TNPO1: variants seen among roughly 807,000 people sequenced by gnomAD.
TNPO1 encodes transportin-1.
A neutral mutation model predicts 119.5 loss-of-function variants in TNPO1; 8 were observed. That is an observed-to-expected ratio of 0.07 (90% CI 0.04 to 0.12). The LOEUF is 0.12. Among genes scored for constraint, TNPO1 ranks in the 10% least tolerant of loss-of-function variants. The pLI, the probability that TNPO1 is intolerant of heterozygous loss-of-function variation, is 1.00. For missense variants in TNPO1, 576 were observed against 1,089.8 expected (o/e 0.53, Z 6.64); for synonymous variants, 362 against 363.0 (o/e 1.00, Z 0.03).
In TNPO1 at chr5:72,912,210, T is replaced by C. The variant is rs1301364429; in HGVS notation, c.*3537T>C. On this transcript the variant is annotated 3_prime_UTR_variant, in exon 25 of 25. Coordinates refer to ENST00000337273, the MANE Select transcript of TNPO1 (RefSeq NM_002270.4). ...TTATGCAAGTTAGATTTCAGAAGAA[T>C]AGATTTTAAAACACTTAACCAAGCC... is the stretch of plus-strand genomic sequence containing the variant. 5.2e-5 allele frequency: 8 copies of C among 152,536 alleles called. No individual in the cohort carries two copies. Among genetic ancestry groups the C allele is most frequent in the African/African-American group, 4.8e-5 (2 of 41,454 alleles). The allele number at this position is 152,536 out of a possible 1,614,324, so 9.4% of individuals were successfully genotyped here. A position where few individuals can be genotyped will look rare whatever the true frequency, so the allele number is the denominator to read the frequency against.
At position 72,882,519 on chromosome 5, in the gene TNPO1, C is replaced by T; in HGVS notation, c.973C>T (p.Leu325=). 1 of 1,607,106 alleles carries T rather than the reference C, an allele frequency of 6.2e-7. No homozygotes were observed. Among genetic ancestry groups the T allele is most frequent in the Non-Finnish European group, 8.5e-7 (1 of 1,176,390 alleles). ...GMKYSDIDII[L]LKGDVEEDET... is the part of the protein sequence containing the mutation. ...GAAGTACTCAGACATAGATATTATCCTACTTAAGGTAAGGAAGCTTTTTTG... is the reference window on the plus strand; with the variant it reads ...GAAGTACTCAGACATAGATATTATCTTACTTAAGGTAAGGAAGCTTTTTTG... The change falls in exon 10 of 25, where the codon CTA becomes TTA. Residue 325 remains leucine, a synonymous_variant. Transcript: ENST00000337273.
At chr5:72,861,959 C>T (rs771398841) in intron 5 of TNPO1, 45 bp downstream of exon 5, 2 of 1,471,126 alleles carry the variant, frequency 1.4e-6, no homozygotes, top group South Asian at 2.3e-5. Flanking sequence ...TTCTGTTTTT[C>T]TTGTCATGTT....
intron 1 of TNPO1, among the ~76,000 whole-genome samples, chr5:72,818,201 A>G (rs1743786172): frequency 6.6e-6 from 1 of 152,230 alleles, no homozygotes. Context: ...TCTTTCTCCT[A>G]GTCAGGAATT....
chr5:72,873,766 TG>T (rs1263491864), intron 7 of TNPO1, among the ~76,000 whole-genome samples: 1 of 152,132 alleles, frequency 6.6e-6, no homozygotes, highest in East Asian at 1.9e-4. Context: ...TTTATTTAAC[TG>T]ATGTTTTCTT....
chr5:72,870,609 C>T (rs906183677), intron 6 of TNPO1, among the ~76,000 whole-genome samples: 3 of 152,106 alleles, frequency 2.0e-5, no homozygotes, highest in African/African-American at 7.2e-5. Context: ...TTTTTTCCTT[C>T]ATTGCTGATG....
intron 1 of TNPO1, among the ~76,000 whole-genome samples, chr5:72,844,064 A>G (rs1745027199): frequency 6.6e-6 from 1 of 152,238 alleles, no homozygotes; most frequent in South Asian, 2.1e-4. Flanking sequence ...CGTTTATTCA[A>G]CAAGTATTTG....
intron 18 of TNPO1, among the ~76,000 whole-genome samples, chr5:72,894,262 CAAT>C (rs1460543884): frequency 2.0e-5 from 3 of 152,048 alleles, no homozygotes; most frequent in Non-Finnish European, 2.9e-5. Flanking sequence ...CCTTCTGTGA[CAAT>C]GATAAGAAAT....
chr5:72,833,193 C>G (rs1744554024), intron 1 of TNPO1, among the ~76,000 whole-genome samples: 1 of 151,946 alleles, frequency 6.6e-6, no homozygotes, highest in Non-Finnish European at 1.5e-5. Flanking sequence ...ATCAGGATAG[C>G]AATATTAGAT....
intron 1 of TNPO1, among the ~76,000 whole-genome samples, chr5:72,824,354 GTCT>G (rs1447833502): frequency 6.6e-6 from 1 of 152,110 alleles, no homozygotes; most frequent in African/African-American, 2.4e-5. Flanking sequence ...CAAAATAGTT[GTCT>G]GTACTTGCTA....
At chr5:72,893,824 A>AACCAATAAAGTG in intron 18 of TNPO1, 121 bp downstream of exon 18, 1 of 955,066 alleles carries the variant, frequency 1.0e-6, no homozygotes, top group Non-Finnish European at 1.6e-6. Flanking sequence ...TGTACACTTT[A>AACCAATAAAGTG]TTGGTTAAAG....
intron 2 of TNPO1, among the ~76,000 whole-genome samples, chr5:72,850,053 AAC>A (rs1745428000): frequency 6.6e-6 from 1 of 152,202 alleles, no homozygotes; most frequent in Non-Finnish European, 1.5e-5. Context: ...TCTGAGAAAG[AAC>A]AACTTTCTGT....
chr5:72,888,412 A>C, intron 13 of TNPO1, 109 bp downstream of exon 13: 1 of 978,884 alleles, frequency 1.0e-6, no homozygotes, highest in Non-Finnish European at 1.5e-6. Flanking sequence ...TCGTAATTGA[A>C]AATTTTCCAG....
chr5:72,897,942 T>A (rs1275064363), intron 20 of TNPO1, among the ~76,000 whole-genome samples: 1 of 152,142 alleles, frequency 6.6e-6, no homozygotes, highest in Admixed American at 6.5e-5. Context: ...AAGGCATTTT[T>A]ATTTGGTATT....
In TNPO1 at chr5:72,847,798, T is replaced by C. The variant is rs115797923; in HGVS notation, c.16-587T>C. Among the ~76,000 whole-genome samples, 419 of 152,352 alleles carry C rather than the reference T, an allele frequency of 2.8e-3. 3 individuals are homozygous for C. Among genetic ancestry groups the C allele is most frequent in the Non-Finnish European group, 4.2e-3 (287 of 68,032 alleles). On this transcript the variant is annotated intron_variant, in intron 1 of 24. Coordinates refer to ENST00000337273, the MANE Select transcript of TNPO1 (RefSeq NM_002270.4). ...GACTGCATCAATATTTTAGACTTTT[T>C]AGTGCCTTATATATCAAATTGAAAT...
At chr5:72,884,510 TAAGTTGCTTTGTTATAGTCAAAATTTATG>T (rs1748477557) in intron 11 of TNPO1, among the ~76,000 whole-genome samples, 1 of 152,238 alleles carries the variant, frequency 6.6e-6, no homozygotes, top group Non-Finnish European at 1.5e-5. Context: ...AAATTTATTA[TAAGTTGCTTTGTTATAGTCAAAATTTATG>T]AAATATGCTT....
At chr5:72,908,208 C>T (rs1254803512) in intron 24 of TNPO1, among the ~76,000 whole-genome samples, 1 of 152,064 alleles carries the variant, frequency 6.6e-6, no homozygotes, top group East Asian at 1.9e-4. Context: ...CCCCAAATAA[C>T]AAATGCTCTT....
intron 1 of TNPO1, among the ~76,000 whole-genome samples, chr5:72,846,732 G>C (rs1745146741): frequency 6.6e-6 from 1 of 152,124 alleles, no homozygotes; most frequent in East Asian, 1.9e-4. Context: ...CTTGAGCTGG[G>C]TGTTGGTTAC....
At chr5:72,902,072 T>G (rs1211710869) in intron 22 of TNPO1, among the ~76,000 whole-genome samples, 1 of 146,256 alleles carries the variant, frequency 6.8e-6, no homozygotes, top group Non-Finnish European at 1.5e-5. Flanking sequence ...CGAGACTTCA[T>G]CTGGAAAAAA....
intron 1 of TNPO1, among the ~76,000 whole-genome samples, chr5:72,843,461 G>A (rs1435993263): frequency 6.6e-6 from 1 of 151,922 alleles, no homozygotes; most frequent in African/African-American, 2.4e-5. Flanking sequence ...GAGCGTGCTA[G>A]CACACACCTG....
Sources: gnomAD v4.1 joint callset for allele counts (sites outside exome capture counted in the v4.1 genomes callset) on GRCh38, gnomAD v4.1.1 for gene constraint, MANE v1.5 for transcripts, NCBI Gene and HGNC (gene_info 2026-07-23, HGNC 2026-07-21) for gene names.